Variants in CACNA1E observed in about 807,000 individuals in gnomAD.
CACNA1E encodes the protein voltage-dependent R-type calcium channel subunit alpha-1E.
Under a neutral mutation model 259.2 loss-of-function variants are expected in CACNA1E, and 40 were observed. The ratio of observed to expected loss-of-function variants is 0.15; its 90% CI spans 0.12 to 0.20. The LOEUF is 0.20. Ranked by LOEUF, CACNA1E falls within the 10% of genes least tolerant of loss-of-function variation. The pLI is 1.00. For missense variants in CACNA1E, 1,874 were observed against 3,040.1 expected (o/e 0.62, Z 9.02); for synonymous variants, 1,104 against 1,138.5 (o/e 0.97, Z 0.61).
chr1:181,756,285 G>A (rs969822594), intron 29 of CACNA1E, among the ~76,000 whole-genome samples, 192 bp downstream of exon 29: 1 of 152,160 alleles, frequency 6.6e-6, no homozygotes, highest in African/African-American at 2.4e-5. Flanking sequence ...AAGTGGGTGA[G>A]CAAATCAGGA....
chr1:181,321,028 G>A (rs1200844317), intron 1 of CACNA1E, among the ~76,000 whole-genome samples: 1 of 152,222 alleles, frequency 6.6e-6, no homozygotes, highest in African/African-American at 2.4e-5. Flanking sequence ...GGGAGCTGGT[G>A]TGTGCAGATC....
chr1:181,400,817 GTC>G (rs1657046476), intron 1 of CACNA1E, among the ~76,000 whole-genome samples: 1 of 152,144 alleles, frequency 6.6e-6, no homozygotes, highest in Non-Finnish European at 1.5e-5. Flanking sequence ...TTGCAAAGCT[GTC>G]TCTGTCCAGG....
intron 1 of CACNA1E, among the ~76,000 whole-genome samples, chr1:181,352,959 G>A (rs911204445): frequency 6.6e-6 from 1 of 152,174 alleles, no homozygotes; most frequent in Non-Finnish European, 1.5e-5. Flanking sequence ...CTGAGGGAGG[G>A]CAGGTCAGGG....
At chr1:181,384,824 G>A (rs188162250) in intron 1 of CACNA1E, among the ~76,000 whole-genome samples, 160 of 152,124 alleles carry the variant, frequency 1.1e-3, no homozygotes, top group African/African-American at 3.6e-3. Context: ...CACCAGCATG[G>A]CACATGTATA....
intron 7 of CACNA1E, among the ~76,000 whole-genome samples, chr1:181,698,580 T>C (rs769397202): frequency 6.6e-6 from 1 of 152,170 alleles, no homozygotes; most frequent in Non-Finnish European, 1.5e-5. Context: ...TTTAATCGTC[T>C]TTCATGGCAT....
chr1:181,427,615 A>C (rs1186488324), intron 2 of CACNA1E, among the ~76,000 whole-genome samples: 1 of 41,678 alleles, frequency 2.4e-5, no homozygotes, highest in African/African-American at 1.0e-4. Context: ...CAACTCCTCT[A>C]CCATTGCAAC....
At chr1:181,748,585 C>A (rs1164939686) in intron 25 of CACNA1E, among the ~76,000 whole-genome samples, 2 of 152,148 alleles carry the variant, frequency 1.3e-5, no homozygotes, top group Non-Finnish European at 2.9e-5. Context: ...CCTAGATCAC[C>A]TGCCCATATA....
At chr1:181,735,501 A>G (rs1463219930) in intron 21 of CACNA1E, among the ~76,000 whole-genome samples, 3 of 152,134 alleles carry the variant, frequency 2.0e-5, no homozygotes, top group Non-Finnish European at 4.4e-5. Context: ...CCCTTTCCCC[A>G]CTGTGACAGC....
In CACNA1E at chr1:181,683,960, C is replaced by G. The variant is rs187604273; in HGVS notation, c.1056-26994C>G. 3.2e-3 allele frequency among the ~76,000 whole-genome samples: 485 copies of G among 152,188 alleles called. 3 individuals are homozygous for G. Among genetic ancestry groups the G allele is most frequent in the African/African-American group, 0.011 (466 of 41,540 alleles). On this transcript the variant is annotated intron_variant, in intron 7 of 47. Transcript: ENST00000367573. ...TTCCTTTGGGTATATATACAGATTG[C>G]TCCTTCAGGCCAGGTTCTAGGGGAA...
chr1:181,734,050 GAAT>G (rs1201113409), intron 21 of CACNA1E, among the ~76,000 whole-genome samples: 2 of 152,178 alleles, frequency 1.3e-5, no homozygotes, highest in African/African-American at 2.4e-5. Flanking sequence ...TTTGGTGCAT[GAAT>G]ATTTGATGGT....
At position 181,732,976 on chromosome 1, in the gene CACNA1E, G is replaced by T. The variant is rs772399475; in HGVS notation, c.2890G>T (p.Gly964Cys). 1 of 1,613,704 alleles carries T rather than the reference G, an allele frequency of 6.2e-7. No individual in the cohort carries two copies. Among genetic ancestry groups the T allele is most frequent in the South Asian group, 1.1e-5 (1 of 91,016 alleles). ...TEGEKDHELR[G>C]NHGAKEPTIQ... ...AGGGGAGAAGGACCATGAGCTCAGG[G>T]GCAACCATGGTGCCAAGGAGCCAAC... Residue 964 changes from glycine to cysteine, a missense_variant, in exon 20 of 48, where the codon GGC (glycine) becomes TGC (cysteine). Coordinates refer to ENST00000367573, the MANE Select transcript of CACNA1E (RefSeq NM_001205293.3). The surrounding 1 kb of genome is among the most constrained non-coding windows in gnomAD (Gnocchi z 5.5).
intron 3 of CACNA1E, among the ~76,000 whole-genome samples, chr1:181,560,465 C>G (rs1250738623): frequency 6.6e-6 from 1 of 151,842 alleles, no homozygotes; most frequent in Admixed American, 6.6e-5. Context: ...TAAAGTTATA[C>G]TGCTTTTCCT....
At chr1:181,637,279 G>A (rs2101977744) in intron 6 of CACNA1E, among the ~76,000 whole-genome samples, 1 of 152,274 alleles carries the variant, frequency 6.6e-6, no homozygotes, top group South Asian at 2.1e-4. Context: ...CTGGGAAGGG[G>A]TTATTAAGTG....
intron 7 of CACNA1E, among the ~76,000 whole-genome samples, chr1:181,681,803 C>T (rs1649999144): frequency 6.6e-6 from 1 of 152,138 alleles, no homozygotes; most frequent in Admixed American, 6.5e-5. Flanking sequence ...TGATACCTAC[C>T]TCACAGGGTT....
intron 6 of CACNA1E, among the ~76,000 whole-genome samples, chr1:181,599,211 G>A (rs1362678705): frequency 6.6e-6 from 1 of 151,928 alleles, no homozygotes; most frequent in African/African-American, 2.4e-5. Flanking sequence ...TGAGAACATG[G>A]GGCATTTGGT....
chr1:181,587,129 T>C (rs139231446), intron 6 of CACNA1E, among the ~76,000 whole-genome samples: 15 of 152,224 alleles, frequency 9.9e-5, no homozygotes, highest in African/African-American at 2.6e-4. Context: ...TGGGTAGATG[T>C]GGTGTTGGAA....
intron 23 of CACNA1E, among the ~76,000 whole-genome samples, chr1:181,738,155 G>A (rs183393026): frequency 6.6e-6 from 1 of 152,206 alleles, no homozygotes; most frequent in Non-Finnish European, 1.5e-5. Context: ...TGGCCACTGG[G>A]TCACATGGCT....
At chr1:181,558,583 G>A (rs1648984274) in intron 3 of CACNA1E, among the ~76,000 whole-genome samples, 1 of 152,192 alleles carries the variant, frequency 6.6e-6, no homozygotes, top group Non-Finnish European at 1.5e-5. Context: ...GCCCTGAAAT[G>A]TGAAAGCTGG....
At chr1:181,517,113 G>A (rs1048595711) in intron 3 of CACNA1E, among the ~76,000 whole-genome samples, 2 of 152,242 alleles carry the variant, frequency 1.3e-5, no homozygotes, top group South Asian at 4.1e-4. Context: ...ACATGAGAAC[G>A]TGAAAGGGTG....
Sources: allele counts gnomAD v4.1 joint callset (sites outside exome capture counted in the v4.1 genomes callset), GRCh38; gene constraint gnomAD v4.1.1; non-coding constraint Gnocchi (gnomAD v3.1); transcripts MANE v1.5; gene names NCBI Gene and HGNC (gene_info 2026-07-23, HGNC 2026-07-21).